The following COL6A5 variants were observed in gnomAD, a reference collection of about 807,000 sequenced individuals.
COL6A5 encodes the protein collagen type VI alpha 5 chain.
Under a neutral mutation model 65.6 loss-of-function variants are expected in COL6A5, and 48 were observed. The observed-to-expected ratio is 0.73, with a 90% CI of 0.58 to 0.93. The LOEUF is 0.93. COL6A5 is among the 40% of genes least tolerant of loss of function. The pLI is 0.00. For synonymous variants in COL6A5, 291 were observed against 322.8 expected (o/e 0.90, Z 1.05); for missense variants, 914 against 928.3 (o/e 0.98, Z 0.20).
chr3:130,376,716 T>C, exon 3 of COL6A5: 3 of 1,613,652 alleles, frequency 1.9e-6, no homozygotes, highest in Non-Finnish European at 2.5e-6. Flanking sequence ...CATGGCCACA[T>C]CCCATTTCCA....
exon 9 of COL6A5, chr3:130,397,608 G>T: frequency 1.9e-6 from 3 of 1,550,998 alleles, no homozygotes; most frequent in Non-Finnish European, 2.6e-6. Context: ...TAGTGGTTGG[G>T]TTTGACATCT....
At chr3:130,376,746 AG>A in exon 3 of COL6A5, 1 of 1,613,710 alleles carries the variant, frequency 6.2e-7, no homozygotes, top group Non-Finnish European at 8.5e-7. Flanking sequence ...TCGGACAATC[AG>A]AGACCTCAGC....
chr3:130,484,666 G>A (rs368357442), exon 8 of COL6A5: 1 of 395,300 alleles, frequency 2.5e-6, no homozygotes, highest in African/African-American at 2.1e-5. Context: ...CTAATTTTAT[G>A]AACCATATTT....
intron 1 of COL6A5, among the ~76,000 whole-genome samples, chr3:130,365,520 G>A (rs988109013): frequency 1.3e-5 from 2 of 152,196 alleles, no homozygotes; most frequent in African/African-American, 2.4e-5. Flanking sequence ...CTCGTGATCC[G>A]CCCGCCTCGG....
At chr3:130,444,673 CAG>C (rs1157764718) in intron 4 of COL6A5, among the ~76,000 whole-genome samples, 1 of 152,104 alleles carries the variant, frequency 6.6e-6, no homozygotes, top group African/African-American at 2.4e-5. Flanking sequence ...GCCGATTAAA[CAG>C]AGAAACATAA....
chr3:130,370,709 G>C (rs1330626773), intron 1 of COL6A5, among the ~76,000 whole-genome samples: 2 of 152,210 alleles, frequency 1.3e-5, no homozygotes, highest in African/African-American at 4.8e-5. Flanking sequence ...GACATACTAT[G>C]TTGGGGCAGG....
intron 3 of COL6A5, 32 bp from the exon 36 acceptor site, chr3:130,443,444 A>T: frequency 6.8e-7 from 1 of 1,471,430 alleles, no homozygotes; most frequent in Non-Finnish European, 9.5e-7. Context: ...TTCCAGTTTT[A>T]AAATCTAACT....
intron 1 of COL6A5, among the ~76,000 whole-genome samples, chr3:130,348,465 A>G (rs982055028): frequency 6.6e-6 from 1 of 152,156 alleles, no homozygotes; most frequent in African/African-American, 2.4e-5. Context: ...ATTCTTTTTT[A>G]TGGCTGCATA....
chr3:130,394,794 A>C, intron 7 of COL6A5, 96 bp from the exon 8 acceptor site: 1 of 828,954 alleles, frequency 1.2e-6, no homozygotes, highest in South Asian at 1.7e-5. Context: ...AATGTAAATC[A>C]ATTGAAGTAT....
intron 9 of COL6A5, 25 bp from the exon 10 acceptor site, chr3:130,398,005 C>T (rs1936670212): frequency 1.3e-6 from 2 of 1,545,694 alleles, no homozygotes; most frequent in Non-Finnish European, 1.8e-6. Context: ...AGCTTTTACA[C>T]CATACCATTT....
Position 130,397,563 on chromosome 3 carries a change from T to C in COL6A5, c.3569-20T>C. 1.3e-6 allele frequency: 2 copies of C among 1,524,542 alleles called. No homozygotes were observed. Among genetic ancestry groups the C allele is most frequent in the Non-Finnish European group, 1.8e-6 (2 of 1,129,682 alleles). The allele number at this position is 1,524,542 out of a possible 1,614,324, so 94.4% of individuals were successfully genotyped here. On this transcript the variant is annotated intron_variant and NMD_transcript_variant, in intron 8 of 41. Coordinates refer to the COL6A5 transcript ENST00000312481. The stretch of plus-strand genomic sequence containing the variant: ...CTCCTGTCTACTCGTTAATCTTGAC[T>C]CTGTTCCCTTGGTTTCTAGATTGCT...
chr3:130,376,183 A>G (rs1193433283), intron 2 of COL6A5, 54 bp from the exon 3 acceptor site: 21 of 1,506,810 alleles, frequency 1.4e-5, no homozygotes, highest in Non-Finnish European at 1.9e-5. Context: ...TTGTGGTCTA[A>G]AATACAAAGG....
chr3:130,411,169 G>A (rs1304082033), intron 20 of COL6A5, among the ~76,000 whole-genome samples: 1 of 152,120 alleles, frequency 6.6e-6, no homozygotes, highest in Non-Finnish European at 1.5e-5. Context: ...AAAAAATGGG[G>A]ATATTGGACT....
chr3:130,440,142 ATGTGTCTCTC>A lies in COL6A5; in HGVS notation c.582-18_582-9del, dbSNP rs781375617. On this transcript the variant is annotated splice_polypyrimidine_tract_variant and intron_variant, in intron 2 of 7. Coordinates refer to ENST00000512836, the Ensembl canonical transcript of COL6A5. ...TTGTTGGGTCAGTGTTGAACCAATG[ATGTGTCTCTC>A]TGTGTGTTTTCAGATAAATGTTTTC... 4.4e-6 allele frequency: 7 copies of A among 1,585,276 alleles called. No individual in the cohort carries two copies. In the Admixed American group the frequency reaches 7.0e-5, roughly 16 times the overall value.
intron 24 of COL6A5, among the ~76,000 whole-genome samples, chr3:130,418,019 G>A (rs1178986087): frequency 6.6e-6 from 1 of 152,046 alleles, no homozygotes; most frequent in Admixed American, 6.6e-5. Context: ...ATTTTGCTAA[G>A]AGAGTAGATC....
At chr3:130,470,065 CTAAG>C (rs1460629429) in intron 6 of COL6A5, among the ~76,000 whole-genome samples, 1 of 152,026 alleles carries the variant, frequency 6.6e-6, no homozygotes, top group Non-Finnish European at 1.5e-5. Context: ...ATAAATTAAC[CTAAG>C]TTCTGACTTG....
At chr3:130,455,739 T>A in intron 5 of COL6A5, 73 bp downstream of exon 37, 1 of 1,221,202 alleles carries the variant, frequency 8.2e-7, no homozygotes, top group Non-Finnish European at 1.2e-6. Context: ...TAGTAGAAAA[T>A]CAAATAAATT....
chr3:130,415,127 A>G (rs1221642638), intron 22 of COL6A5, among the ~76,000 whole-genome samples: 1 of 152,106 alleles, frequency 6.6e-6, no homozygotes, highest in African/African-American at 2.4e-5. Context: ...AAGAAACGTT[A>G]CTGCCACCTC....
chr3:130,375,743 C>T (rs1935742923), intron 2 of COL6A5, among the ~76,000 whole-genome samples: 1 of 152,070 alleles, frequency 6.6e-6, no homozygotes, highest in Admixed American at 6.5e-5. Flanking sequence ...TGTCCTTCTT[C>T]ACATGGTAGC....
Sources: gnomAD v4.1 joint callset for allele counts (sites outside exome capture counted in the v4.1 genomes callset) on GRCh38, gnomAD v4.1.1 for gene constraint, MANE v1.5 for transcripts, NCBI Gene and HGNC (gene_info 2026-07-23, HGNC 2026-07-21) for gene names.